The following PCDH15 variants were observed in gnomAD, a reference collection of about 807,000 sequenced individuals.
The protein encoded by PCDH15 is protocadherin-15.
Under a neutral mutation model 178.5 loss-of-function variants are expected in PCDH15, and 129 were observed. The ratio of observed to expected loss-of-function variants is 0.72; its 90% confidence interval spans 0.63 to 0.84. PCDH15 has a LOEUF of 0.84. Among genes scored for constraint, PCDH15 ranks in the 40% least tolerant of loss-of-function variants. The pLI is 0.00. For missense variants in PCDH15, 2,230 were observed against 2,099.9 expected, an observed-to-expected ratio of 1.06 and a Z score of -1.21; for synonymous variants, 800 against 732.0, an observed-to-expected ratio of 1.09 and a Z score of -1.50.
chr10:54,899,942 A>AG (rs1166965615), intron 2 of PCDH15, among the ~76,000 whole-genome samples: 4 of 151,838 alleles, frequency 2.6e-5, no homozygotes, highest in African/African-American at 7.3e-5. Flanking sequence ...TTTAAAAAAA[A>AG]AGACATTTAA....
At chr10:55,607,107 C>G (rs970015944) in intron 2 of PCDH15, among the ~76,000 whole-genome samples, 2 of 152,140 alleles carry the variant, frequency 1.3e-5, no homozygotes, top group Non-Finnish European at 2.9e-5. Flanking sequence ...ATACATTTCT[C>G]AAAAGAAGAC....
chr10:54,865,634 A>C (rs1840336), intron 3 of PCDH15, among the ~76,000 whole-genome samples: 37,794 of 152,078 alleles, frequency 0.25, 4,975 homozygotes, highest in African/African-American at 0.31. Context: ...ATTACAATTC[A>C]AGATGAAATT....
rs971524769 is a variant in PCDH15, at chr10:54,679,277, A to T, written c.-28-14987T>A. 2.0e-5 allele frequency among the ~76,000 whole-genome samples: 3 copies of T among 152,158 alleles called. No homozygotes were observed. The South Asian group carries it at 6.2e-4, about 31-fold the overall frequency. ...CAATATTTTGTTGGTCTAAACTACA[A>T]AATTTGCCCTGATGATTGGTGTATT... On this transcript the variant is annotated intron_variant, in intron 1 of 37. Coordinates refer to ENST00000644397, the MANE Select transcript of PCDH15 (RefSeq NM_001384140.1).
chr10:54,121,225 T>TA (rs1166828239), intron 15 of PCDH15, among the ~76,000 whole-genome samples: 1 of 145,404 alleles, frequency 6.9e-6, no homozygotes, highest in African/African-American at 2.7e-5. Flanking sequence ...GCCAGAAACA[T>TA]AAAAAATTAT....
chr10:54,202,001 T>A (rs963158913), intron 10 of PCDH15, among the ~76,000 whole-genome samples: 2 of 152,182 alleles, frequency 1.3e-5, no homozygotes, highest in Admixed American at 1.3e-4. Flanking sequence ...CGTATAATCT[T>A]CTAGAAGGTT....
intron 2 of PCDH15, among the ~76,000 whole-genome samples, chr10:55,131,430 C>A (rs1838041225): frequency 6.6e-6 from 1 of 152,208 alleles, no homozygotes; most frequent in Non-Finnish European, 1.5e-5. Flanking sequence ...CACAGCTCTT[C>A]TCTCCTTCTT....
At chr10:54,497,335 G>T (rs934687612) in intron 3 of PCDH15, among the ~76,000 whole-genome samples, 1 of 151,186 alleles carries the variant, frequency 6.6e-6, no homozygotes, top group African/African-American at 2.4e-5. Context: ...AAGAACATTA[G>T]CCCCCACAGC....
intron 15 of PCDH15, among the ~76,000 whole-genome samples, chr10:54,106,614 G>A (rs1216266342): frequency 6.6e-6 from 1 of 152,150 alleles, no homozygotes; most frequent in African/African-American, 2.4e-5. Context: ...AAAGTATAAC[G>A]AGCATAAAAA....
At chr10:54,341,637 G>A (rs1942253737) in intron 6 of PCDH15, among the ~76,000 whole-genome samples, 1 of 152,204 alleles carries the variant, frequency 6.6e-6, no homozygotes, top group Admixed American at 6.5e-5. Context: ...ATGGTCAGAG[G>A]TTGGAACAGT....
chr10:54,769,804 T>C (rs1366293281), intron 1 of PCDH15, among the ~76,000 whole-genome samples: 1 of 152,096 alleles, frequency 6.6e-6, no homozygotes, highest in Non-Finnish European at 1.5e-5. Flanking sequence ...ATCTGTTCTT[T>C]GCAACTCAGA....
At chr10:54,965,343 C>A (rs149065234) in intron 2 of PCDH15, among the ~76,000 whole-genome samples, 1 of 151,974 alleles carries the variant, frequency 6.6e-6, no homozygotes, top group Non-Finnish European at 1.5e-5. Flanking sequence ...ATTTTCCCCA[C>A]GCTATTCTCA....
At chr10:54,265,048 A>T (rs1175935409) in intron 8 of PCDH15, among the ~76,000 whole-genome samples, 2 of 152,210 alleles carry the variant, frequency 1.3e-5, no homozygotes, top group Non-Finnish European at 2.9e-5. Flanking sequence ...GAACCCCATC[A>T]GACTAACTGG....
chr10:55,162,513 C>A (rs1375076071), intron 2 of PCDH15, among the ~76,000 whole-genome samples: 1 of 152,154 alleles, frequency 6.6e-6, no homozygotes, highest in Non-Finnish European at 1.5e-5. Context: ...CTAACCAACT[C>A]CATCTTGCCT....
rs1219580062 is a variant in PCDH15, at chr10:54,717,480, T to C, written c.-28-53190A>G. On this transcript the variant is annotated intron_variant, in intron 1 of 37. Coordinates refer to ENST00000644397, the MANE Select transcript of PCDH15 (RefSeq NM_001384140.1). ...TGAACAGACACTTCCCAAAAGAAGA[T>C]ATTTATGCAGCCAAAAAACGCATGA... Among the ~76,000 whole-genome samples the C allele has an allele frequency of 2.7e-5, 4 of 146,416 alleles. 1 individual carries two copies. The highest frequency in any genetic ancestry group is 6.9e-5 in the Admixed American group (1 of 14,444).
At chr10:54,742,322 T>C (rs1003189648) in intron 1 of PCDH15, among the ~76,000 whole-genome samples, 4 of 151,964 alleles carry the variant, frequency 2.6e-5, no homozygotes, top group Non-Finnish European at 5.9e-5. Context: ...TATGGGTAAG[T>C]GTATTATTTT....
chr10:54,940,844 C>T (rs1277617420), intron 2 of PCDH15, among the ~76,000 whole-genome samples: 1 of 151,804 alleles, frequency 6.6e-6, no homozygotes, highest in African/African-American at 2.4e-5. Context: ...TAATATGGTT[C>T]CTCTAGCATT....
intron 1 of PCDH15, among the ~76,000 whole-genome samples, chr10:55,280,001 T>A (rs1292259013): frequency 6.6e-6 from 1 of 152,118 alleles, no homozygotes. Context: ...CCTATCAGGG[T>A]TCCACATAAC....
At chr10:54,617,610 C>T (rs887198877) in intron 2 of PCDH15, among the ~76,000 whole-genome samples, 1 of 151,362 alleles carries the variant, frequency 6.6e-6, no homozygotes, top group Non-Finnish European at 1.5e-5. Context: ...TATTAACAGT[C>T]ATTACTATAT....
intron 3 of PCDH15, among the ~76,000 whole-genome samples, chr10:54,400,758 C>T (rs1263032494): frequency 6.6e-6 from 1 of 151,820 alleles, no homozygotes; most frequent in Non-Finnish European, 1.5e-5. Context: ...CAGACTGTGT[C>T]CAGATTTCTT....
Sources: gnomAD v4.1 joint callset for allele counts (sites outside exome capture counted in the v4.1 genomes callset) on GRCh38, gnomAD v4.1.1 for gene constraint, MANE v1.5 for transcripts, NCBI Gene and HGNC (gene_info 2026-07-23, HGNC 2026-07-21) for gene names.